Variants in HS6ST3 observed in about 807,000 individuals in gnomAD.
The protein encoded by HS6ST3 is heparan sulfate 6-O-sulfotransferase 3.
Under a neutral mutation model 36.7 loss-of-function variants are expected in HS6ST3, and 12 were observed. That is an observed-to-expected ratio of 0.33 (90% CI 0.21 to 0.53). The LOEUF is 0.53. Ranked by LOEUF, HS6ST3 falls within the 20% of genes least tolerant of loss-of-function variation. The pLI, the probability that HS6ST3 is intolerant of heterozygous loss-of-function variation, is 0.95. For missense variants in HS6ST3, 584 were observed against 640.9 expected (o/e 0.91, Z 0.96); for synonymous variants, 240 against 257.5 (o/e 0.93, Z 0.65).
At chr13:96,614,074 G>A (rs372558951) in intron 1 of HS6ST3, among the ~76,000 whole-genome samples, 1 of 151,860 alleles carries the variant, frequency 6.6e-6, no homozygotes, top group Non-Finnish European at 1.5e-5. Flanking sequence ...CGAGGCGGGC[G>A]AATGAGGAGG....
At chr13:96,832,432 T>C in intron 1 of HS6ST3, 58 bp from the exon 2 acceptor site, 1 of 1,292,930 alleles carries the variant, frequency 7.7e-7, no homozygotes, top group Non-Finnish European at 1.1e-6. Context: ...TTATAAAAAT[T>C]TAGATACCTC....
intron 1 of HS6ST3, among the ~76,000 whole-genome samples, chr13:96,381,165 G>A (rs2055338666): frequency 6.6e-6 from 1 of 152,158 alleles, no homozygotes; most frequent in Admixed American, 6.5e-5. Context: ...CATGCTTGAG[G>A]CAATGGATAA....
rs531908020 is a variant in HS6ST3, at chr13:96,596,881, G to A, written c.708-235609G>A. On this transcript the variant is annotated intron_variant, in intron 1 of 1. Transcript: ENST00000376705. ...TTTTCGACTATAAAGACACACACTT[G>A]CATACGTTCATTGCAGCACTATTTA... Among the ~76,000 whole-genome samples, 12 of 152,144 alleles carry A rather than the reference G, an allele frequency of 7.9e-5. No individual in the cohort carries two copies. In the South Asian group the frequency reaches 1.9e-3, roughly 24 times the overall value.
intron 1 of HS6ST3, among the ~76,000 whole-genome samples, chr13:96,727,311 G>A (rs761574322): frequency 2.6e-5 from 4 of 152,028 alleles, no homozygotes; most frequent in South Asian, 2.1e-4. Flanking sequence ...AATATTCATC[G>A]TAGTACCTGG....
chr13:96,609,397 A>G (rs1440926760), intron 1 of HS6ST3, among the ~76,000 whole-genome samples: 1 of 152,208 alleles, frequency 6.6e-6, no homozygotes, highest in Non-Finnish European at 1.5e-5. Context: ...AGATTTTTAT[A>G]TGTTTTTCCT....
intron 1 of HS6ST3, among the ~76,000 whole-genome samples, chr13:96,481,814 T>G (rs1350977104): frequency 6.6e-6 from 1 of 152,188 alleles, no homozygotes; most frequent in Admixed American, 6.5e-5. Context: ...TGCCAAGTGC[T>G]TTGGAAACTG....
chr13:96,733,639 CT>C (rs1452060144), intron 1 of HS6ST3, among the ~76,000 whole-genome samples: 1 of 152,224 alleles, frequency 6.6e-6, no homozygotes, highest in African/African-American at 2.4e-5. Flanking sequence ...GTAACCCTAC[CT>C]TAATTCCTAA....
intron 1 of HS6ST3, among the ~76,000 whole-genome samples, chr13:96,709,731 A>G (rs1001549668): frequency 9.2e-5 from 14 of 152,190 alleles, no homozygotes; most frequent in African/African-American, 3.1e-4. Context: ...TGAGAAATAA[A>G]TGTTGTTGCT....
At chr13:96,538,538 G>C (rs1272651179) in intron 1 of HS6ST3, among the ~76,000 whole-genome samples, 2 of 152,188 alleles carry the variant, frequency 1.3e-5, no homozygotes, top group Admixed American at 1.3e-4. Context: ...CCGCCTCCTG[G>C]GTTCAGGTGA....
chr13:96,589,783 ATTCT>A (rs1375161167), intron 1 of HS6ST3, among the ~76,000 whole-genome samples: 1 of 151,962 alleles, frequency 6.6e-6, no homozygotes, highest in Non-Finnish European at 1.5e-5. Flanking sequence ...GGTCTTATTC[ATTCT>A]TTCTGTATAT....
At chr13:96,677,523 T>C (rs1210306616) in intron 1 of HS6ST3, among the ~76,000 whole-genome samples, 1 of 152,174 alleles carries the variant, frequency 6.6e-6, no homozygotes, top group Non-Finnish European at 1.5e-5. Context: ...ACATATGTTA[T>C]ATATGCATAT....
At chr13:96,355,828 G>A (rs984610145) in intron 1 of HS6ST3, among the ~76,000 whole-genome samples, 1 of 152,204 alleles carries the variant, frequency 6.6e-6, no homozygotes, top group Admixed American at 6.5e-5. Flanking sequence ...CTGTTTGATA[G>A]CATTTTTATG....
intron 1 of HS6ST3, among the ~76,000 whole-genome samples, chr13:96,487,256 A>G (rs943479771): frequency 2.0e-5 from 3 of 152,084 alleles, no homozygotes; most frequent in Non-Finnish European, 4.4e-5. Context: ...GAAAACTCTA[A>G]TAGTGCAATG....
intron 1 of HS6ST3, among the ~76,000 whole-genome samples, chr13:96,135,872 AT>A (rs1466944943): frequency 2.0e-5 from 3 of 152,092 alleles, no homozygotes; most frequent in African/African-American, 7.2e-5. Flanking sequence ...TTTATATAGC[AT>A]TTTCACTGAG....
chr13:96,559,241 C>T (rs2056252837), intron 1 of HS6ST3, among the ~76,000 whole-genome samples: 1 of 152,020 alleles, frequency 6.6e-6, no homozygotes, highest in South Asian at 2.1e-4. Flanking sequence ...ATCAGCCTCC[C>T]TGATAGCTGG....
intron 1 of HS6ST3, among the ~76,000 whole-genome samples, chr13:96,682,605 A>G (rs2056722248): frequency 6.6e-6 from 1 of 152,150 alleles, no homozygotes. Context: ...TACCTGGATT[A>G]TAGACCTGAT....
chr13:96,635,809 T>C (rs1330645184), intron 1 of HS6ST3, among the ~76,000 whole-genome samples: 2 of 152,114 alleles, frequency 1.3e-5, no homozygotes, highest in Non-Finnish European at 2.9e-5. Context: ...TGGCCCTGCC[T>C]CTGGGAGCCC....
intron 1 of HS6ST3, among the ~76,000 whole-genome samples, chr13:96,385,941 T>C (rs1278773759): frequency 6.6e-6 from 1 of 152,184 alleles, no homozygotes; most frequent in Admixed American, 6.5e-5. Context: ...GCTCTTACTA[T>C]GTACATGTAG....
At chr13:96,273,069 T>G (rs150989804) in intron 1 of HS6ST3, among the ~76,000 whole-genome samples, 1 of 151,994 alleles carries the variant, frequency 6.6e-6, no homozygotes, top group East Asian at 1.9e-4. Flanking sequence ...AATCTAAAGA[T>G]CCACGTAATA....
Sources: gnomAD v4.1 joint callset for allele counts (sites outside exome capture counted in the v4.1 genomes callset) on GRCh38, gnomAD v4.1.1 for gene constraint, MANE v1.5 for transcripts, NCBI Gene and HGNC (gene_info 2026-07-23, HGNC 2026-07-21) for gene names.